Variants in SFMBT2 observed in about 807,000 individuals in gnomAD.
SFMBT2 encodes the protein Scm like with four mbt domains 2, also known as scm-like with four MBT domains protein 2.
A neutral mutation model predicts 110.1 loss-of-function variants in SFMBT2; 38 were observed. The ratio of observed to expected loss-of-function variants is 0.35; its 90% CI spans 0.27 to 0.45. SFMBT2 has a LOEUF of 0.45. Ranked by LOEUF, SFMBT2 falls within the 20% of genes least tolerant of loss-of-function variation. The pLI, the probability that SFMBT2 is intolerant of heterozygous loss-of-function variation, is 1.00. For missense variants in SFMBT2, 1,011 were observed against 1,094.9 expected (o/e 0.92, Z 1.08); for synonymous variants, 425 against 425.4 (o/e 1.00, Z 0.01).
At chr10:7,406,581 C>T (rs752547497) in intron 1 of SFMBT2, among the ~76,000 whole-genome samples, 1 of 151,968 alleles carries the variant, frequency 6.6e-6, no homozygotes, top group African/African-American at 2.4e-5. Flanking sequence ...GAGTCAGGAA[C>T]CTTTTCTGGC....
At chr10:7,405,019 G>A (rs986060604) in intron 1 of SFMBT2, among the ~76,000 whole-genome samples, 2 of 152,122 alleles carry the variant, frequency 1.3e-5, no homozygotes, top group Non-Finnish European at 2.9e-5. Flanking sequence ...CTTAAACATA[G>A]AGCCAACACT....
intron 7 of SFMBT2, among the ~76,000 whole-genome samples, chr10:7,273,391 C>T (rs1475382963): frequency 6.6e-6 from 1 of 152,226 alleles, no homozygotes; most frequent in Admixed American, 6.5e-5. Context: ...TGCAAAGAAA[C>T]AGTGAACTTC....
intron 4 of SFMBT2, among the ~76,000 whole-genome samples, chr10:7,338,451 CTATGTAT>C: frequency 6.6e-6 from 1 of 152,152 alleles, no homozygotes; most frequent in Non-Finnish European, 1.5e-5. Flanking sequence ...TTTGTATGTT[CTATGTAT>C]TATGTGCGGT....
intron 4 of SFMBT2, among the ~76,000 whole-genome samples, chr10:7,336,300 G>A (rs1843716081): frequency 6.6e-6 from 1 of 152,180 alleles, no homozygotes; most frequent in African/African-American, 2.4e-5. Context: ...TTTACAGATA[G>A]TAAAAGCCCA....
intron 7 of SFMBT2, among the ~76,000 whole-genome samples, chr10:7,251,614 T>C (rs978351433): frequency 3.3e-5 from 5 of 152,214 alleles, no homozygotes; most frequent in African/African-American, 1.2e-4. Flanking sequence ...GGAATTATTA[T>C]AGAATTATGA....
At chr10:7,362,046 C>A (rs1054796773) in intron 4 of SFMBT2, among the ~76,000 whole-genome samples, 2 of 152,130 alleles carry the variant, frequency 1.3e-5, no homozygotes, top group African/African-American at 2.4e-5. Flanking sequence ...GCATTGCATG[C>A]GCTTATGAAT....
chr10:7,341,121 G>C (rs946267309), intron 4 of SFMBT2, among the ~76,000 whole-genome samples: 2 of 152,156 alleles, frequency 1.3e-5, no homozygotes, highest in Non-Finnish European at 2.9e-5. Flanking sequence ...ATTACAAAGA[G>C]TACTCCAGTA....
intron 2 of SFMBT2, among the ~76,000 whole-genome samples, chr10:7,375,166 C>T (rs1845167128): frequency 6.6e-6 from 1 of 152,200 alleles, no homozygotes; most frequent in East Asian, 1.9e-4. Context: ...TTTTAGAAAA[C>T]AGAAAGCTAT....
At chr10:7,375,986 CAAG>C (rs955827468) in intron 2 of SFMBT2, among the ~76,000 whole-genome samples, 3 of 152,102 alleles carry the variant, frequency 2.0e-5, no homozygotes, top group Non-Finnish European at 4.4e-5. Flanking sequence ...TACCAAATGC[CAAG>C]AAGAAGAATC....
At chr10:7,338,392 C>T (rs1843782246) in intron 4 of SFMBT2, among the ~76,000 whole-genome samples, 1 of 152,198 alleles carries the variant, frequency 6.6e-6, no homozygotes, top group Non-Finnish European at 1.5e-5. Context: ...ACTACCAAAA[C>T]ACTACTGTTG....
intron 15 of SFMBT2, among the ~76,000 whole-genome samples, chr10:7,192,740 A>C (rs1305250525): frequency 1.3e-5 from 2 of 152,236 alleles, no homozygotes; most frequent in Non-Finnish European, 2.9e-5. Context: ...GGTGACCAGG[A>C]GCCAGAGTCA....
chr10:7,366,974 C>A, intron 4 of SFMBT2, among the ~76,000 whole-genome samples: 1 of 152,100 alleles, frequency 6.6e-6, no homozygotes, highest in East Asian at 1.9e-4. Context: ...AGAATAGTGG[C>A]TTTGTAGCAA....
chr10:7,251,935 C>A (rs1428340104), intron 7 of SFMBT2, among the ~76,000 whole-genome samples: 2 of 152,210 alleles, frequency 1.3e-5, no homozygotes, highest in Admixed American at 1.3e-4. Context: ...GCTCTAGAGG[C>A]ATCCTGACAG....
intron 4 of SFMBT2, among the ~76,000 whole-genome samples, chr10:7,356,299 T>C (rs1381288873): frequency 6.6e-6 from 1 of 152,222 alleles, no homozygotes; most frequent in African/African-American, 2.4e-5. Flanking sequence ...TGTTCGTTTT[T>C]TTCCTGGGGT....
At chr10:7,283,137 A>G (rs1191531330) in intron 6 of SFMBT2, among the ~76,000 whole-genome samples, 1 of 152,232 alleles carries the variant, frequency 6.6e-6, no homozygotes, top group Non-Finnish European at 1.5e-5. Flanking sequence ...GCATTTTTTT[A>G]GAATCAAAAC....
chr10:7,168,702 C>T (rs886168819), intron 20 of SFMBT2, among the ~76,000 whole-genome samples: 1 of 152,258 alleles, frequency 6.6e-6, no homozygotes, highest in African/African-American at 2.4e-5. Context: ...AGCATTTCAA[C>T]CTATTGCTTT....
In SFMBT2 at chr10:7,197,684, G is replaced by A. The variant is rs1420054199; in HGVS notation, c.1562C>T (p.Thr521Ile). The change falls in exon 15 of 21, where the codon ACC (threonine) becomes ATC (isoleucine). Residue 521 changes from threonine to isoleucine, a missense_variant. By Grantham distance (89) the Thr-to-Ile change is moderately conservative (BLOSUM62 -1). Transcript: ENST00000397167. The stretch of plus-strand genomic sequence containing the variant: ...AGGACAGCAGTATTTCCCGTTGACG[G>A]TTCCTGCAGGGGACAGCAACATAGT... ...CLFPHLDTTG[T>I]VNGKYCCPQL... is the part of the protein sequence containing the mutation. 1.1e-5 allele frequency: 18 copies of A among 1,613,704 alleles called. No individual in the cohort carries two copies. The Admixed American group carries it at 3.0e-4, about 27-fold the overall frequency.
intron 1 of SFMBT2, among the ~76,000 whole-genome samples, chr10:7,388,042 AG>A (rs146127144): frequency 1.3e-3 from 197 of 152,174 alleles, no homozygotes; most frequent in African/African-American, 4.6e-3. Flanking sequence ...AGGTGCCTCA[AG>A]GGAGAGGGTG....
rs763345292 is a variant in SFMBT2, at chr10:7,202,540, C to T, written c.1445-18G>A. ...CTTTTGTGCTGTAGAAAAGGCAAAA[C>T]GGAAAAAGAAAATCAGCTTTGTTAG... On this transcript the variant is annotated intron_variant, in intron 12 of 20. Transcript: ENST00000397167. 1.1e-5 allele frequency: 18 copies of T among 1,613,888 alleles called. No individual in the cohort carries two copies. In the Admixed American group the frequency reaches 1.5e-4, roughly 13 times the overall value.
Sources: gnomAD v4.1 joint callset for allele counts (sites outside exome capture counted in the v4.1 genomes callset) on GRCh38, gnomAD v4.1.1 for gene constraint, MANE v1.5 for transcripts, NCBI Gene and HGNC (gene_info 2026-07-23, HGNC 2026-07-21) for gene names.